Variants in LEF1 observed in about 807,000 individuals in gnomAD.
LEF1 encodes lymphoid enhancer-binding factor 1.
In LEF1, 14 loss-of-function variants were observed where a neutral mutation model predicts 51.2. The ratio of observed to expected loss-of-function variants is 0.27; its 90% CI spans 0.18 to 0.43. The LOEUF is 0.43. Among genes scored for constraint, LEF1 ranks in the 20% least tolerant of loss-of-function variants. The pLI, the probability that LEF1 is intolerant of heterozygous loss-of-function variation, is 1.00. For missense variants in LEF1, 386 were observed against 512.0 expected, an observed-to-expected ratio of 0.75 and a Z score of 2.37; for synonymous variants, 185 against 183.2, an observed-to-expected ratio of 1.01 and a Z score of -0.08.
Position 108,089,229 on chromosome 4 carries a change from G to A in LEF1, c.443C>T (p.Ser148Phe). The change falls in exon 4 of 12, where the codon TCC (serine) becomes TTC (phenylalanine). Residue 148 changes from serine (S) to phenylalanine (F), a missense_variant. Transcript: ENST00000265165. ...TSNKVPVVQP[S>F]HAVHPLTPLI... ...GGGGGTGAGAGGATGGACCGCATGG[G>A]ATGGCTGCACCACGGGCACTTTATT... 6.2e-7 allele frequency: 1 copy of A among 1,613,978 alleles called. No homozygotes were observed. Among genetic ancestry groups the A allele is most frequent in the Non-Finnish European group, 8.5e-7 (1 of 1,179,950 alleles).
chr4:108,056,071 G>T (rs1737287638), intron 11 of LEF1, among the ~76,000 whole-genome samples: 1 of 152,216 alleles, frequency 6.6e-6, no homozygotes, highest in Admixed American at 6.5e-5. Flanking sequence ...TGTACAATGT[G>T]ACCTTCTCCT....
intron 3 of LEF1, among the ~76,000 whole-genome samples, chr4:108,120,208 T>A (rs918216626): frequency 7.9e-5 from 12 of 152,032 alleles, no homozygotes; most frequent in South Asian, 2.1e-4. Flanking sequence ...ATTCTTTATA[T>A]TTTGTAGAGA....
intron 3 of LEF1, among the ~76,000 whole-genome samples, chr4:108,157,563 T>C (rs906556400): frequency 5.3e-5 from 8 of 152,238 alleles, no homozygotes; most frequent in African/African-American, 1.7e-4. Context: ...TGTGTGAGCA[T>C]AGGTAGACAC....
At chr4:108,050,866 T>C (rs1578278834) in intron 11 of LEF1, among the ~76,000 whole-genome samples, 1 of 152,134 alleles carries the variant, frequency 6.6e-6, no homozygotes, top group African/African-American at 2.4e-5. Context: ...ACAACTTCCA[T>C]GGCCCTGCTG....
chr4:108,095,993 A>G (rs1415455383), intron 3 of LEF1, among the ~76,000 whole-genome samples: 1 of 152,200 alleles, frequency 6.6e-6, no homozygotes, highest in African/African-American at 2.4e-5. Flanking sequence ...ACCCCTAATC[A>G]TCTAAGTACT....
intron 11 of LEF1, among the ~76,000 whole-genome samples, chr4:108,056,202 T>C (rs1174061860): frequency 6.6e-6 from 1 of 152,060 alleles, no homozygotes; most frequent in Non-Finnish European, 1.5e-5. Context: ...TAACAACATA[T>C]AGCTTGAGTG....
chr4:108,064,683 ACACACACAC>A (rs1336996379), intron 9 of LEF1, among the ~76,000 whole-genome samples: 2 of 35,114 alleles, frequency 5.7e-5, no homozygotes, highest in African/African-American at 8.8e-5. Flanking sequence ...ACACACACAC[ACACACACAC>A]AATGATGTCT....
At chr4:108,067,231 C>CT (rs1738137422) in intron 9 of LEF1, among the ~76,000 whole-genome samples, 1 of 152,202 alleles carries the variant, frequency 6.6e-6, no homozygotes, top group Non-Finnish European at 1.5e-5. Context: ...AGAGGGAAAT[C>CT]TTTAAAGATA....
At chr4:108,090,760 G>A (rs4279288) in intron 3 of LEF1, among the ~76,000 whole-genome samples, 132,456 of 152,126 alleles carry the variant, frequency 0.87, 58,232 homozygotes, top group East Asian at 0.97. Context: ...GTTAGCTACA[G>A]TTTCTCTACT....
rs6831587 is a variant in LEF1 at position 108,065,538 on chromosome 4, C to T, written c.1117-1154G>A. On this transcript the variant is annotated intron_variant, in intron 9 of 11. Coordinates refer to ENST00000265165, the MANE Select transcript of LEF1 (RefSeq NM_016269.5). ...GAAGACTCCATTATTTTTGATGTGCCGTTTCTCAGGGTCACTGATATCTGC... is the reference window on the plus strand; with the variant it reads ...GAAGACTCCATTATTTTTGATGTGCTGTTTCTCAGGGTCACTGATATCTGC... Among the ~76,000 whole-genome samples the T allele has an allele frequency of 9.3e-3, 1,410 of 152,170 alleles. 12 individuals carry two copies. The highest frequency in any genetic ancestry group is 0.012 in the Non-Finnish European group (786 of 67,994).
chr4:108,104,465 TA>T (rs1197594949), intron 3 of LEF1, among the ~76,000 whole-genome samples: 1 of 147,612 alleles, frequency 6.8e-6, no homozygotes, highest in Admixed American at 6.8e-5. Context: ...ATATATAAAT[TA>T]TATATATAAA....
At chr4:108,122,588 C>T (rs1476751774) in intron 3 of LEF1, among the ~76,000 whole-genome samples, 1 of 152,186 alleles carries the variant, frequency 6.6e-6, no homozygotes, top group Non-Finnish European at 1.5e-5. Flanking sequence ...AGTGATCCTT[C>T]TACCTCAGCC....
chr4:108,087,114 T>G (rs923155317), intron 4 of LEF1, among the ~76,000 whole-genome samples: 4 of 152,052 alleles, frequency 2.6e-5, no homozygotes, highest in African/African-American at 9.7e-5. Flanking sequence ...GAAAAAGAAT[T>G]AAAAGGAAGA....
At chr4:108,060,606 C>A (rs1179034107) in intron 11 of LEF1, among the ~76,000 whole-genome samples, 3 of 152,052 alleles carry the variant, frequency 2.0e-5, no homozygotes, top group Admixed American at 6.6e-5. Context: ...GAACAGAAGA[C>A]CCCCTCCATT....
intron 3 of LEF1, among the ~76,000 whole-genome samples, chr4:108,141,751 A>G (rs1008639035): frequency 6.6e-6 from 1 of 152,196 alleles, no homozygotes; most frequent in Non-Finnish European, 1.5e-5. Context: ...GCTGCATTAC[A>G]TTCTGCCAGC....
intron 3 of LEF1, among the ~76,000 whole-genome samples, chr4:108,106,197 C>T (rs144902107): frequency 1.5e-4 from 23 of 152,280 alleles, no homozygotes; most frequent in African/African-American, 5.5e-4. Context: ...GGTGCTATCC[C>T]AAGGAAGCAT....
chr4:108,073,460 T>C (rs992186790), intron 8 of LEF1, among the ~76,000 whole-genome samples: 1 of 152,014 alleles, frequency 6.6e-6, no homozygotes, highest in East Asian at 1.9e-4. Flanking sequence ...GAGGCAAAGT[T>C]TTACCAATAA....
intron 3 of LEF1, among the ~76,000 whole-genome samples, chr4:108,121,809 C>T (rs549511387): frequency 6.6e-6 from 1 of 152,318 alleles, no homozygotes; most frequent in African/African-American, 2.4e-5. Flanking sequence ...GCTGGTATAA[C>T]TACTTAATGC....
chr4:108,086,492 T>A (rs575952728), intron 4 of LEF1, among the ~76,000 whole-genome samples: 37 of 152,210 alleles, frequency 2.4e-4, no homozygotes, highest in Non-Finnish European at 5.0e-4. Context: ...TATAGGTAAC[T>A]TCTATAGACA....
Sources: gnomAD v4.1 joint callset for allele counts (sites outside exome capture counted in the v4.1 genomes callset) on GRCh38, gnomAD v4.1.1 for gene constraint, MANE v1.5 for transcripts, NCBI Gene and HGNC (gene_info 2026-07-23, HGNC 2026-07-21) for gene names.